ACVR1: variants seen among roughly 807,000 people sequenced by gnomAD.
The protein encoded by ACVR1 is activin A receptor type 1, also known as activin receptor type-1.
ACVR1 carries 38 observed loss-of-function variants against 57.1 expected under a neutral mutation model. The observed-to-expected ratio is 0.67, with a 90% CI of 0.51 to 0.87. ACVR1 has a LOEUF of 0.87. Ranked by LOEUF, ACVR1 falls within the 40% of genes least tolerant of loss-of-function variation. The pLI, the probability that ACVR1 is intolerant of heterozygous loss-of-function variation, is 0.00. For missense variants in ACVR1, 463 were observed against 638.2 expected, an observed-to-expected ratio of 0.73 and a Z score of 2.96; for synonymous variants, 212 against 228.1, an observed-to-expected ratio of 0.93 and a Z score of 0.63.
At chr2:157,780,677 T>A in intron 3 of ACVR1, 77 bp from the exon 4 acceptor site, 1 of 1,543,072 alleles carries the variant, frequency 6.5e-7, no homozygotes, top group South Asian at 1.2e-5. Context: ...ATTGAGGGAA[T>A]GACCATTCCA....
chr2:157,811,490 C>T (rs542230657), intron 2 of ACVR1, among the ~76,000 whole-genome samples: 7 of 152,082 alleles, frequency 4.6e-5, no homozygotes, highest in African/African-American at 7.2e-5. Flanking sequence ...AAACAGAAAG[C>T]GTAATATGCC....
At chr2:157,791,582 C>T (rs1686913796) in intron 3 of ACVR1, among the ~76,000 whole-genome samples, 1 of 152,172 alleles carries the variant, frequency 6.6e-6, no homozygotes, top group Non-Finnish European at 1.5e-5. Flanking sequence ...TGACTCCTCC[C>T]AACAAGGTGG....
chr2:157,740,497 GA>G (rs1357579679), intron 9 of ACVR1, among the ~76,000 whole-genome samples: 4 of 152,164 alleles, frequency 2.6e-5, no homozygotes, highest in African/African-American at 9.7e-5. Context: ...AGAATTTACA[GA>G]AAACAGTAAG....
chr2:157,794,180 T>C (rs975910198), intron 3 of ACVR1, among the ~76,000 whole-genome samples: 1 of 152,120 alleles, frequency 6.6e-6, no homozygotes, highest in Non-Finnish European at 1.5e-5. Context: ...AACATGGAGG[T>C]TCTGCCTTCA....
In ACVR1 at chr2:157,802,437, A is replaced by G. The variant is rs538767773; in HGVS notation, c.-7-2937T>C. Among the ~76,000 whole-genome samples the G allele has an allele frequency of 1.0e-3, 155 of 152,242 alleles. 1 individual carries two copies. Among genetic ancestry groups the G allele is most frequent in the South Asian group, 6.6e-3 (32 of 4,818 alleles). On this transcript the variant is annotated intron_variant, in intron 2 of 10. Coordinates refer to ENST00000434821, the MANE Select transcript of ACVR1 (RefSeq NM_001111067.4). ...GGAAGGCAAAGGTCAGAACGGAGGT[A>G]AGGCACTCTAGGCACTCTACTCACC...
At chr2:157,738,699 G>T in intron 9 of ACVR1, 129 bp from the exon 10 acceptor site, 1 of 1,414,736 alleles carries the variant, frequency 7.1e-7, no homozygotes, top group Non-Finnish European at 9.9e-7. Flanking sequence ...ATACCTCAGG[G>T]CAGTCCTGGA....
intron 1 of ACVR1, among the ~76,000 whole-genome samples, chr2:157,824,338 C>T (rs1352211645): frequency 1.3e-5 from 2 of 152,008 alleles, no homozygotes; most frequent in African/African-American, 4.8e-5. Flanking sequence ...CATGGTGGTG[C>T]ACACCTGTAG....
chr2:157,820,351 T>C (rs771968546), intron 1 of ACVR1, among the ~76,000 whole-genome samples: 7 of 152,194 alleles, frequency 4.6e-5, no homozygotes, highest in Non-Finnish European at 8.8e-5. Context: ...TCCAAGATGC[T>C]GGGGCCAGGG....
At chr2:157,828,899 T>TG (rs1688487938) in intron 1 of ACVR1, among the ~76,000 whole-genome samples, 1 of 152,136 alleles carries the variant, frequency 6.6e-6, no homozygotes, top group African/African-American at 2.4e-5. Flanking sequence ...CCTGAGTAGC[T>TG]GGGATTACAG....
At chr2:157,791,855 G>A (rs886379395) in intron 3 of ACVR1, among the ~76,000 whole-genome samples, 2 of 152,156 alleles carry the variant, frequency 1.3e-5, no homozygotes, top group African/African-American at 4.8e-5. Context: ...GGGACGTGAA[G>A]TTAAGGATAA....
intron 1 of ACVR1, among the ~76,000 whole-genome samples, chr2:157,857,282 G>T (rs919198064): frequency 6.6e-6 from 1 of 152,058 alleles, no homozygotes; most frequent in Non-Finnish European, 1.5e-5. Flanking sequence ...AAGACAATGT[G>T]AAGTCCTTGT....
chr2:157,849,861 G>A (rs923482266), intron 1 of ACVR1, among the ~76,000 whole-genome samples: 2 of 152,176 alleles, frequency 1.3e-5, no homozygotes, highest in African/African-American at 4.8e-5. Flanking sequence ...AGGTGTCAGT[G>A]TTTCCTGTTC....
chr2:157,752,436 G>A (rs185999886), intron 9 of ACVR1, among the ~76,000 whole-genome samples: 18 of 152,180 alleles, frequency 1.2e-4, no homozygotes, highest in Non-Finnish European at 2.4e-4. Context: ...TAGCTCACCC[G>A]CACTGGATCC....
chr2:157,752,365 A>G (rs1184194215), intron 9 of ACVR1, among the ~76,000 whole-genome samples: 1 of 152,226 alleles, frequency 6.6e-6, no homozygotes. Flanking sequence ...AGAAGGAATC[A>G]GAAAAACAAT....
At chr2:157,830,951 A>C (rs1688561539) in intron 1 of ACVR1, among the ~76,000 whole-genome samples, 1 of 152,110 alleles carries the variant, frequency 6.6e-6, no homozygotes, top group Non-Finnish European at 1.5e-5. Context: ...TTTGTCTTAG[A>C]AACAGGGTCT....
Position 157,793,919 on chromosome 2 carries a change from T to C in ACVR1, c.67+5508A>G, listed in dbSNP as rs112874623. 1.1e-3 allele frequency among the ~76,000 whole-genome samples: 161 copies of C among 152,334 alleles called. 1 individual carries two copies. The highest frequency in any genetic ancestry group is 3.7e-3 in the African/African-American group (153 of 41,582). ...TGAGTAGTGATGGCTTTGTAAATAC[T>C]AAAATCAAGATAACTCAGAAAATAA... On this transcript the variant is annotated intron_variant, in intron 3 of 10. Transcript: ENST00000434821.
chr2:157,853,057 C>T (rs1009533866), intron 1 of ACVR1, among the ~76,000 whole-genome samples: 21 of 152,308 alleles, frequency 1.4e-4, no homozygotes, highest in African/African-American at 4.3e-4. Flanking sequence ...AGTTAAATAA[C>T]GACTTGTTCC....
chr2:157,803,817 G>A (rs1431656293), intron 2 of ACVR1, among the ~76,000 whole-genome samples: 3 of 151,636 alleles, frequency 2.0e-5, no homozygotes, highest in Admixed American at 6.6e-5. Flanking sequence ...TGTGTATGTA[G>A]GCTACATCTC....
intron 1 of ACVR1, among the ~76,000 whole-genome samples, chr2:157,828,193 T>C (rs903008427): frequency 2.0e-5 from 3 of 151,946 alleles, no homozygotes; most frequent in Non-Finnish European, 4.4e-5. Context: ...CACGCCTGTA[T>C]TCCCAGCATT....
Sources: allele counts gnomAD v4.1 joint callset (sites outside exome capture counted in the v4.1 genomes callset), GRCh38; gene constraint gnomAD v4.1.1; transcripts MANE v1.5; gene names NCBI Gene and HGNC (gene_info 2026-07-23, HGNC 2026-07-21).